Variants in FAM222A observed in about 807,000 individuals in gnomAD.
FAM222A encodes the protein family with sequence similarity 222 member A.
In FAM222A, 7 loss-of-function variants were observed where a neutral mutation model predicts 25.8. That is an observed-to-expected ratio of 0.27 (90% confidence interval 0.15 to 0.51). The LOEUF (loss-of-function observed/expected upper bound fraction) is 0.51. FAM222A is among the 20% of genes least tolerant of loss of function. The pLI is 0.97. For synonymous variants in FAM222A, 294 were observed against 298.8 expected, an observed-to-expected ratio of 0.98 and a Z score of 0.17; for missense variants, 573 against 640.5, an observed-to-expected ratio of 0.89 and a Z score of 1.14.
At chr12:109,755,284 C>CTTT (rs1888689186) in intron 2 of FAM222A, among the ~76,000 whole-genome samples, 1 of 67,964 alleles carries the variant, frequency 1.5e-5, no homozygotes, top group African/African-American at 5.9e-5. Flanking sequence ...GTCTGTAATT[C>CTTT]TTCTTTTTTT....
At chr12:109,735,128 T>C (rs1011339211) in intron 1 of FAM222A, among the ~76,000 whole-genome samples, 29 of 152,220 alleles carry the variant, frequency 1.9e-4, no homozygotes, top group African/African-American at 7.0e-4. Context: ...TGCCAGCCAC[T>C]TTTGTCCACT....
chr12:109,766,271 G>A (rs1474344834), intron 2 of FAM222A, among the ~76,000 whole-genome samples: 2 of 152,224 alleles, frequency 1.3e-5, no homozygotes, highest in African/African-American at 4.8e-5. Context: ...AAAGCTGTGG[G>A]CTGCCCTTGG....
rs367588637 is a variant in FAM222A at position 109,739,158 on chromosome 12, T to A, written c.-46-4943T>A. On this transcript the variant is annotated intron_variant, in intron 1 of 2. Coordinates refer to ENST00000538780, the MANE Select transcript of FAM222A (RefSeq NM_032829.3). ...GGCGCAGCCCATGGCTTTCCCGGGG[T>A]CACAATCTCAGGGCCCTGCCGTGAA... is the stretch of plus-strand genomic sequence containing the variant. Among the ~76,000 whole-genome samples the A allele has an allele frequency of 2.0e-4, 31 of 152,180 alleles. 1 individual carries two copies. The highest frequency in any genetic ancestry group is 7.0e-4 in the African/African-American group (29 of 41,526).
chr12:109,732,184 C>A (rs1887960725), intron 1 of FAM222A, among the ~76,000 whole-genome samples: 1 of 152,210 alleles, frequency 6.6e-6, no homozygotes. Flanking sequence ...CCCCTCACAC[C>A]CATGCTTCTG....
intron 1 of FAM222A, among the ~76,000 whole-genome samples, chr12:109,736,621 C>G (rs563567524): frequency 1.3e-5 from 2 of 152,336 alleles, no homozygotes; most frequent in African/African-American, 4.8e-5. Flanking sequence ...CTGATGCCTC[C>G]CATCCACTCA....
chr12:109,756,652 A>C (rs1448006046), intron 2 of FAM222A, among the ~76,000 whole-genome samples: 1 of 152,186 alleles, frequency 6.6e-6, no homozygotes, highest in Non-Finnish European at 1.5e-5. Context: ...TATTAACATT[A>C]ATTGATTTTT....
intron 1 of FAM222A, chr12:109,734,590 A>C (rs1036729584): frequency 6.9e-6 from 1 of 145,898 alleles, no homozygotes; most frequent in Non-Finnish European, 1.5e-5. Context: ...CCTTTTGAAA[A>C]GTTCTTTAAA....
At chr12:109,721,726 G>A (rs951339033) in intron 1 of FAM222A, among the ~76,000 whole-genome samples, 1 of 152,180 alleles carries the variant, frequency 6.6e-6, no homozygotes, top group Non-Finnish European at 1.5e-5. Flanking sequence ...GGGAGGGTCT[G>A]TTACCCTCTT....
chr12:109,766,714 G>A (rs1889061255), intron 2 of FAM222A, among the ~76,000 whole-genome samples: 1 of 152,206 alleles, frequency 6.6e-6, no homozygotes, highest in South Asian at 2.1e-4. Context: ...GCAGGTTGTG[G>A]GGCCACTGGA....
chr12:109,715,245 G>A (rs1022105426), intron 1 of FAM222A, among the ~76,000 whole-genome samples: 8 of 152,318 alleles, frequency 5.3e-5, no homozygotes, highest in African/African-American at 1.9e-4. Context: ...CACCCAGGAT[G>A]GGAAAACGTT....
intron 2 of FAM222A, among the ~76,000 whole-genome samples, chr12:109,761,475 C>T (rs1337124371): frequency 6.6e-6 from 1 of 152,206 alleles, no homozygotes; most frequent in Admixed American, 6.5e-5. Context: ...GAGTAAAATC[C>T]CCCTGCCATC....
intron 2 of FAM222A, among the ~76,000 whole-genome samples, chr12:109,766,208 A>G (rs1438150067): frequency 6.6e-6 from 1 of 152,144 alleles, no homozygotes; most frequent in Non-Finnish European, 1.5e-5. Flanking sequence ...GGGCCATTCC[A>G]TCTGCCTCAT....
rs114164821 is a variant in FAM222A at position 109,762,930 on chromosome 12, C to T, written c.83-5082C>T. ...CCTGAAGGCACTCACATTCAAAGCA[C>T]GTTGAAGCACTGAGCAGCTCCCCCA... is the stretch of plus-strand genomic sequence containing the variant. On this transcript the variant is annotated intron_variant, in intron 2 of 2. Transcript: ENST00000538780. Among the ~76,000 whole-genome samples, 1,074 of 152,338 alleles carry T rather than the reference C, an allele frequency of 7.1e-3. 18 individuals carry two copies. The highest frequency in any genetic ancestry group is 0.022 in the African/African-American group (905 of 41,580).
Position 109,769,397 on chromosome 12 carries a change from CTGATG to C in FAM222A, c.*110_*114del. 7.5e-7 allele frequency: 1 copy of C among 1,329,908 alleles called. No individual in the cohort carries two copies. Among genetic ancestry groups the C allele is most frequent in the Admixed American group, 2.6e-5 (1 of 37,780 alleles). 82.4% of individuals were successfully genotyped at this position (1,329,908 alleles called of 1,614,324 possible). A position where few individuals can be genotyped will look rare whatever the true frequency, so the allele number is the denominator to read the frequency against. On this transcript the variant is annotated 3_prime_UTR_variant, in exon 3 of 3. Transcript: ENST00000538780. ...GGCGCTCAGCCCCACCCTGTGCCTG[CTGATG>C]CCCACAGGGGAGCCAGGCTGGCTGC...
At chr12:109,751,391 G>T (rs997328821) in intron 2 of FAM222A, among the ~76,000 whole-genome samples, 12 of 152,034 alleles carry the variant, frequency 7.9e-5, no homozygotes, top group African/African-American at 2.9e-4. Flanking sequence ...CTTATGCTTT[G>T]CCTTGCTTTC....
intron 1 of FAM222A, among the ~76,000 whole-genome samples, chr12:109,725,616 A>G (rs1025946760): frequency 6.6e-6 from 1 of 152,044 alleles, no homozygotes; most frequent in African/African-American, 2.4e-5. Flanking sequence ...CCTGGGACCC[A>G]GGTGAGACCA....
At chr12:109,725,119 A>G (rs1397880209) in intron 1 of FAM222A, among the ~76,000 whole-genome samples, 4 of 152,178 alleles carry the variant, frequency 2.6e-5, no homozygotes. Context: ...CCAGCTGGCC[A>G]AGTCCCTGCC....
At chr12:109,730,000 A>G (rs1887916176) in intron 1 of FAM222A, among the ~76,000 whole-genome samples, 1 of 151,796 alleles carries the variant, frequency 6.6e-6, no homozygotes, top group Non-Finnish European at 1.5e-5. Flanking sequence ...GCCACTTCCA[A>G]AGTCCCTGCC....
At chr12:109,738,210 TC>T (rs1888138968) in intron 1 of FAM222A, among the ~76,000 whole-genome samples, 1 of 152,152 alleles carries the variant, frequency 6.6e-6, no homozygotes, top group Non-Finnish European at 1.5e-5. Flanking sequence ...CCTCCACTCT[TC>T]CTGGCCAGAA....
Sources: gnomAD v4.1 joint callset for allele counts (sites outside exome capture counted in the v4.1 genomes callset) on GRCh38, gnomAD v4.1.1 for gene constraint, MANE v1.5 for transcripts, NCBI Gene and HGNC (gene_info 2026-07-23, HGNC 2026-07-21) for gene names.